TTN: variants seen among roughly 807,000 people sequenced by gnomAD.
The protein encoded by TTN is titin, also known as connectin.
Under a neutral mutation model 3,223.0 loss-of-function variants are expected in TTN, and 1,525 were observed. The observed-to-expected ratio is 0.47, with a 90% CI of 0.45 to 0.49. TTN has a LOEUF of 0.49. Ranked by LOEUF, TTN falls within the 20% of genes least tolerant of loss-of-function variation. TTN has a pLI of 0.00. For synonymous variants in TTN, 14,094 were observed against 15,161.0 expected, an observed-to-expected ratio of 0.93 and a Z score of 5.17; for missense variants, 40,786 against 43,424.0, an observed-to-expected ratio of 0.94 and a Z score of 5.40.
intron 47 of TTN, chr2:178,751,159 GT>G: frequency 6.2e-7 from 1 of 1,612,386 alleles, no homozygotes; most frequent in Non-Finnish European, 8.5e-7. Flanking sequence ...TGATTTTCAT[GT>G]CCTCTCTAGA....
intron 24 of TTN, chr2:178,778,416 CAA>C: frequency 4.4e-6 from 1 of 225,260 alleles, no homozygotes; most frequent in Non-Finnish European, 8.8e-6. Context: ...AATTTGGAAA[CAA>C]AACAAAGCAA....
intron 224 of TTN, 95 bp downstream of exon 224, chr2:178,637,274 T>A (rs2060617541): frequency 1.4e-6 from 1 of 710,954 alleles, no homozygotes; most frequent in African/African-American, 2.0e-5. Context: ...AAATAAAAAT[T>A]GTTATGAATT....
Position 178,768,074 on chromosome 2 carries a change from G to C in TTN, c.9245C>G (p.Ser3082Cys). ...KKRAMFECEV[S>C]EPDITVQWMK... ...CCACTGTACAGTGATGTCAGGTTCAGAAACTTCACATTCAAACATGGCTCG... is the reference window on the plus strand; with the variant it reads ...CCACTGTACAGTGATGTCAGGTTCACAAACTTCACATTCAAACATGGCTCG... The change falls in exon 39 of 363, where the codon TCT (serine) becomes TGT (cysteine). Residue 3082 changes from serine to cysteine, a missense_variant. Coordinates refer to ENST00000589042, the MANE Select transcript of TTN (RefSeq NM_001267550.2). 1 of 1,614,128 alleles carries C rather than the reference G, an allele frequency of 6.2e-7. No individual in the cohort carries two copies. Among genetic ancestry groups the C allele is most frequent in the Non-Finnish European group, 8.5e-7 (1 of 1,179,994 alleles).
rs1370693132 is a variant in TTN at position 178,601,767 on chromosome 2, G to A, written c.55323C>T (p.Ser18441=). The part of the protein sequence containing the change: ...EDAQLETAEN[S]SVIIIPECKR... ...TACACTCCGGAATAATAATTACTGA[G>A]GAGTTTTCAGCAGTCTCCAGCTGTA... The change falls in exon 286 of 363, where the codon TCC becomes TCT. Residue 18441 remains serine (S), a synonymous_variant. Transcript: ENST00000589042. 1.2e-6 allele frequency: 2 copies of A among 1,605,116 alleles called. No homozygotes were observed. The highest frequency in any genetic ancestry group is 1.7e-6 in the Non-Finnish European group (2 of 1,176,978).
At chr2:178,549,539 A>G (rs1477720062) in intron 338 of TTN, 31 bp downstream of exon 338, 3 of 1,600,076 alleles carry the variant, frequency 1.9e-6, no homozygotes, top group Admixed American at 3.4e-5. Flanking sequence ...AACTTTTGAC[A>G]TAGTACCGCT....
At chr2:178,614,438 C>G in intron 261 of TTN, 28 bp downstream of exon 261, 1 of 1,583,790 alleles carries the variant, frequency 6.3e-7, no homozygotes, top group Non-Finnish European at 8.5e-7. Flanking sequence ...AAGAGTTTAT[C>G]CCCTTTTAAA....
chr2:178,789,831 T>A, intron 12 of TTN, 147 bp downstream of exon 12: 1 of 959,258 alleles, frequency 1.0e-6, no homozygotes. Flanking sequence ...AAATTAATGA[T>A]AATCAGTCTC....
chr2:178,531,387 C>G lies in TTN; in HGVS notation c.105228G>C (p.Ser35076=), dbSNP rs55938627. ...GTGATTTCACTTCCCTGACAGAAGACGAAGCTTCCATCTCAGATGTTTTCT... is the reference window on the plus strand; with the variant it reads ...GTGATTTCACTTCCCTGACAGAAGAGGAAGCTTCCATCTCAGATGTTTTCT... ...SFKKTSEMEA[S]SSVREVKSQM... The change falls in exon 358 of 363, where the codon TCG becomes TCC. Residue 35076 remains serine, a synonymous_variant. Coordinates refer to ENST00000589042, the MANE Select transcript of TTN (RefSeq NM_001267550.2). 6.2e-7 allele frequency: 1 copy of G among 1,614,020 alleles called. No individual in the cohort carries two copies. The highest frequency in any genetic ancestry group is 8.5e-7 in the Non-Finnish European group (1 of 1,179,900).
rs369044697 is a variant in TTN, at chr2:178,591,261, T to C, written c.60464A>G (p.Asn20155Ser). 3 of 1,613,192 alleles carry C rather than the reference T, an allele frequency of 1.9e-6. No homozygotes were observed. The highest frequency in any genetic ancestry group is 1.7e-6 in the Non-Finnish European group (2 of 1,179,524). ...GGCTACTGTTTTGCTACCGGCTGCA[T>C]TGGAAACTGTGATTTGATATTCCCC... ...DTGEYQITVS[N>S]AAGSKTVAVH... Residue 20155 changes from asparagine (N) to serine (S), a missense_variant, in exon 304 of 363, where the codon AAT becomes AGT. Coordinates refer to ENST00000589042, the MANE Select transcript of TTN (RefSeq NM_001267550.2).
At chr2:178,720,822 C>A in intron 79 of TTN, 99 bp downstream of exon 79, 2 of 1,431,696 alleles carry the variant, frequency 1.4e-6, no homozygotes, top group South Asian at 1.6e-5. Context: ...GAATTGCAAC[C>A]AAATAACCTT....
Position 178,636,170 on chromosome 2 carries a change from T to C in TTN, c.41401A>G (p.Ser13801Gly). ...TVVKGQPLYL[S>G]CELNKERDVV... ...TCACGCTCTTTGTTTAACTCGCAGCTCAAGTACAATGGCTGTCCTTTGACC... is the reference window on the plus strand; with the variant it reads ...TCACGCTCTTTGTTTAACTCGCAGCCCAAGTACAATGGCTGTCCTTTGACC... Residue 13801 changes from serine (S) to glycine (G), a missense_variant, in exon 226 of 363, where the codon AGC becomes GGC. Physicochemically the swap from Ser to Gly is moderately conservative, Grantham distance 56. Transcript: ENST00000589042. The surrounding 1 kb of genome is among the most constrained non-coding windows in gnomAD (Gnocchi z 4.3). The C allele has an allele frequency of 1.2e-6, 2 of 1,612,636 alleles. No homozygotes were observed. The highest frequency in any genetic ancestry group is 1.7e-6 in the Non-Finnish European group (2 of 1,179,248).
rs140289517 is a variant in TTN, at chr2:178,740,901, G to A, written c.12332C>T (p.Ala4111Val). 8.1e-6 allele frequency: 13 copies of A among 1,613,774 alleles called. No homozygotes were observed. ...NELSSQLPLG[A>V]QELQSILEQD... Reference sequence around the variant, plus strand: ...CTCCAAAATGGATTGCAATTCCTGAGCTCCCAAAGGAAGCTGACTGCTCAA... The same window carrying A: ...CTCCAAAATGGATTGCAATTCCTGAACTCCCAAAGGAAGCTGACTGCTCAA... Residue 4111 changes from alanine to valine, a missense_variant, in exon 48 of 363, where the codon GCT becomes GTT. Transcript: ENST00000589042.
In TTN at chr2:178,725,802, T is replaced by C. The variant is rs769378883; in HGVS notation, c.20520A>G (p.Gly6840=). The change falls in exon 70 of 363, where the codon GGA becomes GGG. Residue 6840 remains glycine (G), a synonymous_variant. Transcript: ENST00000589042. The part of the protein sequence containing the change: ...EYHCKAQNEV[G]SDTCVCTVKL... Reference sequence around the variant, plus strand: ...TTACAGTACAAACACAAGTATCACTTCCCACTTCATTCTGTGCTTTGCAGT... The same window carrying C: ...TTACAGTACAAACACAAGTATCACTCCCCACTTCATTCTGTGCTTTGCAGT... 4 of 1,608,798 alleles carry C rather than the reference T, an allele frequency of 2.5e-6. No homozygotes were observed. Among genetic ancestry groups the C allele is most frequent in the Non-Finnish European group, 3.4e-6 (4 of 1,176,480 alleles).
In TTN at chr2:178,775,407, C is replaced by G. The variant is rs747598396; in HGVS notation, c.6457G>C (p.Ala2153Pro). 6.2e-7 allele frequency: 1 copy of G among 1,614,044 alleles called. No individual in the cohort carries two copies. Among genetic ancestry groups the G allele is most frequent in the Non-Finnish European group, 8.5e-7 (1 of 1,180,002 alleles). The stretch of plus-strand genomic sequence containing the variant: ...GAGGTTTCTCCAGCTATGTTGATGG[C>G]TTTTACCATGATGCTGGCAGAGTCC... ...AEDSASIMVKAINIAGETSSH... is the reference protein window; with the variant it reads ...AEDSASIMVKPINIAGETSSH... Residue 2153 changes from alanine to proline, a missense_variant, in exon 28 of 363, where the codon GCC (alanine) becomes CCC (proline). Physicochemically the swap from Ala to Pro is conservative, Grantham distance 27 (BLOSUM62 -1). Transcript: ENST00000589042.
Position 178,605,516 on chromosome 2 carries a change from G to C in TTN, c.53779C>G (p.Leu17927Val). The C allele has an allele frequency of 1.2e-6, 2 of 1,612,338 alleles. No homozygotes were observed. Among genetic ancestry groups the C allele is most frequent in the South Asian group, 1.1e-5 (1 of 90,970 alleles). Residue 17927 changes from leucine (L) to valine (V), a missense_variant, in exon 279 of 363, where the codon CTT (leucine) becomes GTT (valine). Transcript: ENST00000589042. ...AACTCATACATTTGGTGTTCATCAA[G>C]ATTTTCAACCAGAAAAGATGTGGTT... Reference protein sequence around the residue: ...CPTTSFLVENLDEHQMYEFRV... With the variant: ...CPTTSFLVENVDEHQMYEFRV...
At chr2:178,595,418 A>G (rs1576178489) in intron 295 of TTN, 89 bp downstream of exon 295, 2 of 1,252,222 alleles carry the variant, frequency 1.6e-6, no homozygotes, top group Non-Finnish European at 2.2e-6. Flanking sequence ...AATGAAATGT[A>G]CGGCATTTAT....
Position 178,611,457 on chromosome 2 carries a change from A to G in TTN, c.50772T>C (p.Tyr16924=). The stretch of plus-strand genomic sequence containing the variant: ...CATTGACTGCTCTCACTCTCAGGAC[A>G]TATTCTTTGTCAGGAACAACACCTT... ...VEEGVVPDKE[Y]VLRVRAVNAI... The change falls in exon 269 of 363, where the codon TAT becomes TAC. Residue 16924 remains tyrosine, a synonymous_variant. Coordinates refer to ENST00000589042, the MANE Select transcript of TTN (RefSeq NM_001267550.2). 1 of 1,612,922 alleles carries G rather than the reference A, an allele frequency of 6.2e-7. No homozygotes were observed. Among genetic ancestry groups the G allele is most frequent in the Non-Finnish European group, 8.5e-7 (1 of 1,179,310 alleles).
chr2:178,554,220 T>G lies in TTN; in HGVS notation c.88895-4A>C, dbSNP rs1700416558. 6.4e-7 allele frequency: 1 copy of G among 1,572,336 alleles called. No individual in the cohort carries two copies. Among genetic ancestry groups the G allele is most frequent in the Non-Finnish European group, 8.6e-7 (1 of 1,164,344 alleles). On this transcript the variant is annotated splice_region_variant and splice_polypyrimidine_tract_variant and intron_variant, in intron 332 of 362. Transcript: ENST00000589042. The stretch of plus-strand genomic sequence containing the variant: ...ATGCCTGGTGGCCCAGGTGTAACTA[T>G]TTAGAAAGGAAGGGAAAACAAGGTA...
chr2:178,624,444 C>T (rs2058736046), intron 242 of TTN, 21 bp downstream of exon 242: 4 of 1,609,738 alleles, frequency 2.5e-6, no homozygotes, highest in Middle Eastern at 1.7e-4. Context: ...ATGAAAAGTC[C>T]TTTGTAAGAA....
Sources: gnomAD v4.1 joint callset for allele counts on GRCh38, gnomAD v4.1.1 for gene constraint, Gnocchi (gnomAD v3.1) non-coding constraint, MANE v1.5 for transcripts, NCBI Gene and HGNC (gene_info 2026-07-23, HGNC 2026-07-21) for gene names.